CABIN1: variants seen among roughly 807,000 people sequenced by gnomAD.
CABIN1 encodes the protein calcineurin binding protein 1.
A neutral mutation model predicts 227.7 loss-of-function variants in CABIN1; 133 were observed. The ratio of observed to expected loss-of-function variants is 0.58; its 90% CI spans 0.51 to 0.67. The LOEUF is 0.67. Ranked by LOEUF, CABIN1 falls within the 30% of genes least tolerant of loss-of-function variation. The probability of loss-of-function intolerance (pLI) is 0.00; values close to 1 mark genes in which losing one functional copy is unlikely to be tolerated. For missense variants in CABIN1, 2,408 were observed against 2,852.5 expected, an observed-to-expected ratio of 0.84 and a Z score of 3.55; for synonymous variants, 1,086 against 1,155.1, an observed-to-expected ratio of 0.94 and a Z score of 1.21.
intron 29 of CABIN1, 67 bp from the exon 30 acceptor site, chr22:24,164,333 G>A: frequency 1.3e-6 from 2 of 1,581,246 alleles, no homozygotes; most frequent in Non-Finnish European, 1.7e-6. Flanking sequence ...GGGGATACCA[G>A]ACAGGGTGTC....
chr22:24,053,551 G>C (rs902680623), intron 8 of CABIN1, among the ~76,000 whole-genome samples: 3 of 150,144 alleles, frequency 2.0e-5, no homozygotes, highest in African/African-American at 4.9e-5. Flanking sequence ...CTAATTTTTG[G>C]TATTTCTAGT....
intron 19 of CABIN1, among the ~76,000 whole-genome samples, chr22:24,081,021 T>C (rs1486006326): frequency 2.0e-5 from 3 of 152,198 alleles, no homozygotes; most frequent in Non-Finnish European, 2.9e-5. Flanking sequence ...AGGGTCTCTG[T>C]TGGAACTACT....
intron 28 of CABIN1, among the ~76,000 whole-genome samples, chr22:24,125,983 A>G (rs928412900): frequency 1.3e-5 from 2 of 152,216 alleles, no homozygotes; most frequent in Non-Finnish European, 2.9e-5. Context: ...TGCAGATTCC[A>G]GCAGTTTGAA....
chr22:24,072,362 C>G lies in CABIN1; in HGVS notation c.2484C>G (p.Asp828Glu), dbSNP rs1430391163. ...CCACCCCGCACTGTCAGGTCATTGA[C>G]TGCAGCATGGCTGTGCAGGAGGAGG... ...RLTNNLIQVI[D>E]CSMAVQEEAK... The change falls in exon 18 of 37, where the codon GAC becomes GAG. Residue 828 changes from aspartate to glutamate, a missense_variant. Coordinates refer to ENST00000263119, the MANE Select transcript of CABIN1 (RefSeq NM_012295.4). 6.2e-7 allele frequency: 1 copy of G among 1,614,216 alleles called. No individual in the cohort carries two copies. The highest frequency in any genetic ancestry group is 1.1e-5 in the South Asian group (1 of 91,088).
At chr22:24,077,338 G>C (rs1417427677) in intron 19 of CABIN1, among the ~76,000 whole-genome samples, 3 of 152,182 alleles carry the variant, frequency 2.0e-5, no homozygotes, top group Non-Finnish European at 4.4e-5. Context: ...CAAGTACCTA[G>C]TACACACCTG....
chr22:24,015,215 G>T (rs145825945), intron 1 of CABIN1, among the ~76,000 whole-genome samples: 1,365 of 131,714 alleles, frequency 0.01, 25 homozygotes, highest in African/African-American at 0.037. Context: ...GCAGTGAGCC[G>T]AGATTGCACC....
At chr22:24,087,088 A>G (rs776276969) in intron 22 of CABIN1, among the ~76,000 whole-genome samples, 14 of 152,204 alleles carry the variant, frequency 9.2e-5, no homozygotes, top group Non-Finnish European at 1.8e-4. Context: ...CCTCTCCACC[A>G]GAGCTGTTCT....
In CABIN1 at chr22:24,062,136, G is replaced by C. The variant is rs2039237871; in HGVS notation, c.1696+111G>C. ...GGAATTTAGCCTTATATCTACAGTA[G>C]GCACATTTTTTGGGTTGGCTTGTCA... On this transcript the variant is annotated intron_variant, in intron 13 of 36. Coordinates refer to ENST00000263119, the MANE Select transcript of CABIN1 (RefSeq NM_012295.4). 3.4e-6 allele frequency: 3 copies of C among 887,764 alleles called. No individual in the cohort carries two copies. The South Asian group carries it at 4.1e-5, about 12-fold the overall frequency. The allele number at this position is 887,764 out of a possible 1,614,324, so 55.0% of individuals were successfully genotyped here.
Position 24,134,430 on chromosome 22 carries a change from T to C in CABIN1, c.4746+15T>C. On this transcript the variant is annotated intron_variant, in intron 29 of 36. Coordinates refer to ENST00000263119, the MANE Select transcript of CABIN1 (RefSeq NM_012295.4). ...ATTTCTTCAACGTGAGTACTTTGCC[T>C]TGTTGATTTCCAAGGCTGTTTGTTG... 3.1e-6 allele frequency: 5 copies of C among 1,597,698 alleles called. No homozygotes were observed. The highest frequency in any genetic ancestry group is 4.3e-6 in the Non-Finnish European group (5 of 1,165,334).
chr22:24,172,063 AGT>A, intron 34 of CABIN1, 68 bp downstream of exon 34: 51 of 1,541,914 alleles, frequency 3.3e-5, no homozygotes, highest in Non-Finnish European at 4.5e-5. Flanking sequence ...CTGCGGGGAG[AGT>A]GTGAGTATGG....
At chr22:24,061,668 A>G (rs778126226) in intron 12 of CABIN1, among the ~76,000 whole-genome samples, 16 of 152,238 alleles carry the variant, frequency 1.1e-4, no homozygotes, top group Non-Finnish European at 2.4e-4. Context: ...TGTCCGTCCC[A>G]GCACTTGGCA....
rs1319759507 is a variant in CABIN1 at position 24,167,241 on chromosome 22, C to T, written c.5610C>T (p.Gly1870=). 11 of 1,613,254 alleles carry T rather than the reference C, an allele frequency of 6.8e-6. No homozygotes were observed. In the Admixed American group the frequency reaches 1.8e-4, roughly 27 times the overall value. The change falls in exon 32 of 37, where the codon GGC becomes GGT. Residue 1870 remains glycine, a synonymous_variant. Coordinates refer to ENST00000263119, the MANE Select transcript of CABIN1 (RefSeq NM_012295.4). ...ATGCCTACCGTGTGTGGCAGCAGGG[C>T]CAGAAGGGTGTGGCCTATGACCTGG... ...LLDAYRVWQQ[G]QKGVAYDLGR... is the part of the protein sequence containing the mutation.
intron 18 of CABIN1, 116 bp from the exon 19 acceptor site, chr22:24,076,053 G>T: frequency 1.9e-5 from 13 of 684,400 alleles, no homozygotes; most frequent in Non-Finnish European, 2.6e-5. Context: ...GGAAAAGTCT[G>T]TAGTCATGTT....
At chr22:24,146,284 A>G (rs368323006) in intron 29 of CABIN1, among the ~76,000 whole-genome samples, 1 of 152,362 alleles carries the variant, frequency 6.6e-6, no homozygotes. Context: ...CTCCAGGGAA[A>G]AAAGGTCCTG....
chr22:24,153,358 C>T (rs1307863843), intron 29 of CABIN1, among the ~76,000 whole-genome samples: 5 of 152,114 alleles, frequency 3.3e-5, no homozygotes, highest in Non-Finnish European at 7.3e-5. Flanking sequence ...GGGCAGTGGT[C>T]AGAGGCTTGT....
intron 1 of CABIN1, among the ~76,000 whole-genome samples, chr22:24,023,465 T>G (rs936333946): frequency 6.6e-6 from 1 of 152,198 alleles, no homozygotes; most frequent in Admixed American, 6.5e-5. Context: ...CTAAACTGTT[T>G]TCCACAGGGG....
chr22:24,022,954 C>T (rs1264555437), intron 1 of CABIN1, among the ~76,000 whole-genome samples: 1 of 152,056 alleles, frequency 6.6e-6, no homozygotes, highest in East Asian at 1.9e-4. Context: ...ACCATTGTAA[C>T]CATTTTAAGT....
chr22:24,072,567 G>A (rs2040168924), intron 18 of CABIN1, 57 bp downstream of exon 18: 2 of 1,603,986 alleles, frequency 1.2e-6, no homozygotes, highest in Non-Finnish European at 1.7e-6. Context: ...CCTTGCCCCT[G>A]TCCTCTGCCC....
In CABIN1 at chr22:24,157,071, G is replaced by A. The variant is rs148631407; in HGVS notation, c.4747-7329G>A. On this transcript the variant is annotated intron_variant, in intron 29 of 36. Transcript: ENST00000263119. ...GAGAGACAGGACCGCGTTGTGGGGG[G>A]TGGGGTGTAGGAGTGGGCGGAGGCC... Among the ~76,000 whole-genome samples the A allele has an allele frequency of 1.8e-3, 280 of 152,308 alleles. 2 individuals are homozygous for A. Among genetic ancestry groups the A allele is most frequent in the African/African-American group, 5.8e-3 (242 of 41,566 alleles).
Sources: gnomAD v4.1 joint callset for allele counts (sites outside exome capture counted in the v4.1 genomes callset) on GRCh38, gnomAD v4.1.1 for gene constraint, MANE v1.5 for transcripts, NCBI Gene and HGNC (gene_info 2026-07-23, HGNC 2026-07-21) for gene names.